Variants in CRKL observed in about 807,000 individuals in gnomAD.
CRKL encodes the protein CRK like proto-oncogene, adaptor protein, also known as crk-like protein.
A neutral mutation model predicts 23.0 loss-of-function variants in CRKL; 3 were observed. The observed-to-expected ratio is 0.13, with a 90% CI of 0.06 to 0.34. The LOEUF (loss-of-function observed/expected upper bound fraction) is 0.34, where lower values mean the gene tolerates loss of function less well. Among genes scored for constraint, CRKL ranks in the 10% least tolerant of loss-of-function variants. The pLI, the probability that CRKL is intolerant of heterozygous loss-of-function variation, is 1.00. For missense variants in CRKL, 256 were observed against 394.5 expected, an observed-to-expected ratio of 0.65 and a Z score of 2.97; for synonymous variants, 188 against 160.7, an observed-to-expected ratio of 1.17 and a Z score of -1.28.
intron 1 of CRKL, among the ~76,000 whole-genome samples, chr22:20,928,238 C>T (rs773293364): frequency 6.6e-6 from 1 of 151,936 alleles, no homozygotes; most frequent in Non-Finnish European, 1.5e-5. Context: ...AGGAGGATTG[C>T]TTGAGCCCAG....
chr22:20,951,255 T>A lies in CRKL; in HGVS notation c.*1410T>A, dbSNP rs1345032301. ...AAAGTTGGTGCTGCTCATACTGGTC[T>A]CACAGTCTAAGTAAGTGTCTGTGAT... On this transcript the variant is annotated 3_prime_UTR_variant, in exon 3 of 3. Coordinates refer to ENST00000354336, the MANE Select transcript of CRKL (RefSeq NM_005207.4). 4.3e-6 allele frequency: 1 copy of A among 232,564 alleles called. No homozygotes were observed. The highest frequency in any genetic ancestry group is 8.5e-6 in the Non-Finnish European group (1 of 117,686). The allele number at this position is 232,564 out of a possible 1,614,324, so 14.4% of individuals were successfully genotyped here.
chr22:20,940,037 G>A (rs1921812321), intron 2 of CRKL, among the ~76,000 whole-genome samples: 3 of 152,128 alleles, frequency 2.0e-5, no homozygotes, highest in South Asian at 4.2e-4. Context: ...CAATCCGCCC[G>A]CCTCAGCCTC....
intron 2 of CRKL, among the ~76,000 whole-genome samples, chr22:20,935,921 G>A (rs1274395443): frequency 6.6e-6 from 1 of 152,136 alleles, no homozygotes; most frequent in African/African-American, 2.4e-5. Flanking sequence ...TTGGGAGGGC[G>A]AGGCTGGTGG....
At chr22:20,933,004 C>T (rs965740840) in intron 1 of CRKL, among the ~76,000 whole-genome samples, 15 of 151,634 alleles carry the variant, frequency 9.9e-5, no homozygotes, top group Admixed American at 2.6e-4. Flanking sequence ...CACTTGAACA[C>T]GGGAGGTAGA....
rs1408562295 is a variant in CRKL at position 20,952,340 on chromosome 22, G to A, written c.*2495G>A. On this transcript the variant is annotated 3_prime_UTR_variant, in exon 3 of 3. Coordinates refer to ENST00000354336, the MANE Select transcript of CRKL (RefSeq NM_005207.4). ...AATCAGATATACCTAGAGTATACCT[G>A]TGGTTTGGTTTTATAATTAATCAGC... 1 of 229,770 alleles carries A rather than the reference G, an allele frequency of 4.4e-6. No individual in the cohort carries two copies. The highest frequency in any genetic ancestry group is 8.6e-6 in the Non-Finnish European group (1 of 115,888). The allele number at this position is 229,770 out of a possible 1,614,324, so 14.2% of individuals were successfully genotyped here. A position where few individuals can be genotyped will look rare whatever the true frequency, so the allele number is the denominator to read the frequency against.
Position 20,917,883 on chromosome 22 carries a change from C to A in CRKL, c.-52C>A. 1.3e-6 allele frequency: 2 copies of A among 1,559,308 alleles called. No individual in the cohort carries two copies. Among genetic ancestry groups the A allele is most frequent in the Non-Finnish European group, 1.7e-6 (2 of 1,147,470 alleles). On this transcript the variant is annotated 5_prime_UTR_variant, in exon 1 of 3. Transcript: ENST00000354336. Reference sequence around the variant, plus strand: ...GTCTGCCGGGCTAAGGCGTGCAGAGCAGGCGAGGACAGCCGCCGCCCCTAC... The same window carrying A: ...GTCTGCCGGGCTAAGGCGTGCAGAGAAGGCGAGGACAGCCGCCGCCCCTAC...
chr22:20,934,805 A>ATTTTT (rs67055933), intron 2 of CRKL, among the ~76,000 whole-genome samples: 7 of 98,530 alleles, frequency 7.1e-5, no homozygotes, highest in East Asian at 3.3e-4. Context: ...AGAGGAATGA[A>ATTTTT]TTTTTTTTTT....
chr22:20,926,896 G>A (rs1028301698), intron 1 of CRKL, among the ~76,000 whole-genome samples: 30 of 151,916 alleles, frequency 2.0e-4, no homozygotes, highest in African/African-American at 7.3e-4. Flanking sequence ...TGGATTGCCT[G>A]AGCTCATGCG....
At chr22:20,932,771 C>A (rs907552453) in intron 1 of CRKL, among the ~76,000 whole-genome samples, 1 of 152,062 alleles carries the variant, frequency 6.6e-6, no homozygotes, top group African/African-American at 2.4e-5. Context: ...TTCTTAACTA[C>A]TAAGAATATA....
Position 20,952,535 on chromosome 22 carries a change from A to C in CRKL, c.*2690A>C, listed in dbSNP as rs914565896. On this transcript the variant is annotated 3_prime_UTR_variant, in exon 3 of 3. Transcript: ENST00000354336. ...GAGGCAGGGATACTCTGTTTTTCAC[A>C]CTAAACATATGAATGCAGCACTGCT... 1.3e-5 allele frequency: 3 copies of C among 231,892 alleles called. No individual in the cohort carries two copies. Among genetic ancestry groups the C allele is most frequent in the Non-Finnish European group, 2.6e-5 (3 of 117,108 alleles). The allele number at this position is 231,892 out of a possible 1,614,324, so 14.4% of individuals were successfully genotyped here. A position where few individuals can be genotyped will look rare whatever the true frequency, so the allele number is the denominator to read the frequency against.
chr22:20,937,892 G>A (rs1333249441), intron 2 of CRKL, among the ~76,000 whole-genome samples: 3 of 148,234 alleles, frequency 2.0e-5, no homozygotes, highest in Non-Finnish European at 3.0e-5. Flanking sequence ...TTTTTTTTTC[G>A]AGACTGAGTC....
At chr22:20,949,448 TA>T (rs1214440347) in intron 2 of CRKL, among the ~76,000 whole-genome samples, 1 of 151,990 alleles carries the variant, frequency 6.6e-6, no homozygotes. Context: ...TATAAAAAAT[TA>T]AAAAATAATG....
At chr22:20,933,010 G>A (rs528429218) in intron 1 of CRKL, among the ~76,000 whole-genome samples, 1 of 151,924 alleles carries the variant, frequency 6.6e-6, no homozygotes, top group Admixed American at 6.6e-5. Context: ...AACACGGGAG[G>A]TAGAGGTTAC....
At chr22:20,937,720 C>G (rs1921715287) in intron 2 of CRKL, among the ~76,000 whole-genome samples, 1 of 151,950 alleles carries the variant, frequency 6.6e-6, no homozygotes, top group Admixed American at 6.6e-5. Flanking sequence ...CCTCATGACA[C>G]TAACCCAGCC....
At chr22:20,930,997 A>G (rs12628875) in intron 1 of CRKL, among the ~76,000 whole-genome samples, 115,388 of 152,012 alleles carry the variant, frequency 0.76, 44,321 homozygotes, top group South Asian at 0.91. Context: ...GCTTTTAACT[A>G]TACAAATAAT....
chr22:20,922,162 A>G (rs1281368630), intron 1 of CRKL, among the ~76,000 whole-genome samples: 1 of 151,640 alleles, frequency 6.6e-6, no homozygotes, highest in East Asian at 1.9e-4. Context: ...GCATGGGACT[A>G]CAGGCACCCG....
intron 2 of CRKL, among the ~76,000 whole-genome samples, chr22:20,937,119 T>A (rs1402895890): frequency 1.3e-5 from 2 of 151,940 alleles, no homozygotes; most frequent in African/African-American, 2.4e-5. Flanking sequence ...CCCAAAGTGC[T>A]CGGATTACAG....
chr22:20,943,329 T>G (rs1921943417), intron 2 of CRKL, among the ~76,000 whole-genome samples: 2 of 151,958 alleles, frequency 1.3e-5, no homozygotes, highest in African/African-American at 4.8e-5. Flanking sequence ...AACTTCTGCC[T>G]TCCAGATTCA....
chr22:20,934,922 T>A (rs1921594631), intron 2 of CRKL, among the ~76,000 whole-genome samples: 1 of 147,636 alleles, frequency 6.8e-6, no homozygotes, highest in Admixed American at 6.9e-5. Context: ...CACACCATTC[T>A]CCTACCTCAG....
Sources: gnomAD v4.1 joint callset for allele counts (sites outside exome capture counted in the v4.1 genomes callset) on GRCh38, gnomAD v4.1.1 for gene constraint, MANE v1.5 for transcripts, NCBI Gene and HGNC (gene_info 2026-07-23, HGNC 2026-07-21) for gene names.